Variants in ADGB observed in about 807,000 individuals in gnomAD.
ADGB encodes the protein androglobin.
In ADGB, 172 loss-of-function variants were observed where a neutral mutation model predicts 210.5. The observed-to-expected ratio is 0.82, with a 90% confidence interval of 0.72 to 0.93. The LOEUF is 0.93. Among genes scored for constraint, ADGB ranks in the 40% least tolerant of loss-of-function variants. The pLI is 0.00. For missense variants in ADGB, 2,025 were observed against 1,964.8 expected, an observed-to-expected ratio of 1.03 and a Z score of -0.58; for synonymous variants, 658 against 662.7, an observed-to-expected ratio of 0.99 and a Z score of 0.11.
Position 146,619,389 on chromosome 6 carries a change from G to A in ADGB, c.75-15986G>A, listed in dbSNP as rs534141988. Among the ~76,000 whole-genome samples the A allele has an allele frequency of 1.5e-4, 23 of 151,856 alleles. No homozygotes were observed. In the South Asian group the frequency reaches 2.1e-3, roughly 14 times the overall value. ...TTCAAGGTTATTATTGATAGATAAC[G>A]GTTTATTACTGCCATTTTGATACTT... On this transcript the variant is annotated intron_variant, in intron 1 of 35. Coordinates refer to ENST00000397944, the MANE Select transcript of ADGB (RefSeq NM_024694.4).
In ADGB at chr6:146,779,483, A is replaced by T. The variant is rs565827314; in HGVS notation, c.3863-2537A>T. Among the ~76,000 whole-genome samples, 4 of 152,326 alleles carry T rather than the reference A, an allele frequency of 2.6e-5. No individual in the cohort carries two copies. The South Asian group carries it at 8.3e-4, about 32-fold the overall frequency. On this transcript the variant is annotated intron_variant, in intron 29 of 35. Transcript: ENST00000397944. ...GCACATTCAAGAAGTTAAACTCCACATGGGAAAAATTCAAAGAGACCCAGA... is the reference window on the plus strand; with the variant it reads ...GCACATTCAAGAAGTTAAACTCCACTTGGGAAAAATTCAAAGAGACCCAGA...
In ADGB at chr6:146,733,866, G is replaced by A. The variant is rs536286860; in HGVS notation, c.2657-27G>A. The A allele has an allele frequency of 8.1e-5, 125 of 1,551,086 alleles. No individual in the cohort carries two copies. In the African/African-American group the frequency reaches 1.6e-3, roughly 20 times the overall value. On this transcript the variant is annotated intron_variant, in intron 21 of 35. Coordinates refer to ENST00000397944, the MANE Select transcript of ADGB (RefSeq NM_024694.4). Reference sequence around the variant, plus strand: ...GGGAAGGGATTAAATATAACTTTCAGTCCAAAGTTTGTTTTTCCCTTTCCA... The same window carrying A: ...GGGAAGGGATTAAATATAACTTTCAATCCAAAGTTTGTTTTTCCCTTTCCA...
At chr6:146,656,514 G>A (rs1342536214) in intron 4 of ADGB, among the ~76,000 whole-genome samples, 1 of 152,132 alleles carries the variant, frequency 6.6e-6, no homozygotes, top group African/African-American at 2.4e-5. Context: ...ATCACCCACA[G>A]TTTACTTCAG....
chr6:146,659,283 C>T (rs1285537388), intron 5 of ADGB, among the ~76,000 whole-genome samples: 2 of 152,150 alleles, frequency 1.3e-5, no homozygotes, highest in Admixed American at 1.3e-4. Flanking sequence ...TGCATTATTA[C>T]TTCTACTTCT....
rs780432952 is a variant in ADGB, at chr6:146,623,734, TC to T, written c.75-11640del. ...TGTCAGTTCCAGGTTTCTGTAGATG[TC>T]ATTTATCAGGTTAAAGGAGTTGCCT... On this transcript the variant is annotated intron_variant, in intron 1 of 35. Transcript: ENST00000397944. Among the ~76,000 whole-genome samples the T allele has an allele frequency of 1.4e-4, 22 of 152,072 alleles. No homozygotes were observed. In the East Asian group the frequency reaches 1.7e-3, roughly 12 times the overall value.
intron 1 of ADGB, among the ~76,000 whole-genome samples, chr6:146,618,871 T>C (rs1780843173): frequency 6.6e-6 from 1 of 152,050 alleles, no homozygotes; most frequent in Non-Finnish European, 1.5e-5. Context: ...GGCTCTTTCA[T>C]CTGGAGTGCA....
chr6:146,608,316 A>G (rs763298327), intron 1 of ADGB, among the ~76,000 whole-genome samples: 3 of 151,770 alleles, frequency 2.0e-5, no homozygotes, highest in Non-Finnish European at 2.9e-5. Flanking sequence ...ATTTTTTCTG[A>G]AAAAAGAACT....
At chr6:146,751,223 A>T (rs1025550827) in intron 26 of ADGB, among the ~76,000 whole-genome samples, 1 of 149,386 alleles carries the variant, frequency 6.7e-6, no homozygotes, top group African/African-American at 2.5e-5. Context: ...AAGTGAGAAT[A>T]TGCAGTGTTT....
At chr6:146,731,637 A>G (rs959264313) in intron 20 of ADGB, among the ~76,000 whole-genome samples, 1 of 152,160 alleles carries the variant, frequency 6.6e-6, no homozygotes, top group Non-Finnish European at 1.5e-5. Flanking sequence ...TGCTCCCTCA[A>G]TGTAGCAGAA....
At position 146,676,387 on chromosome 6, in the gene ADGB, C is replaced by G. The variant is rs1263616246; in HGVS notation, c.1162C>G (p.His388Asp). ...GEKEKFKFSLHGSRPSSEVQY... is the reference protein window; with the variant it reads ...GEKEKFKFSLDGSRPSSEVQY... The stretch of plus-strand genomic sequence containing the variant: ...AAAAGAAAAATTCAAATTCTCACTT[C>G]ATGGTTCAAGACCCTCATCAGAAGT... The change falls in exon 9 of 36, where the codon CAT becomes GAT. Residue 388 changes from histidine to aspartate, a missense_variant. By Grantham distance (81) the His-to-Asp change is moderately conservative. Coordinates refer to ENST00000397944, the MANE Select transcript of ADGB (RefSeq NM_024694.4). 6.5e-7 allele frequency: 1 copy of G among 1,548,844 alleles called. No homozygotes were observed. Among genetic ancestry groups the G allele is most frequent in the Admixed American group, 2.0e-5 (1 of 50,812 alleles).
intron 34 of ADGB, among the ~76,000 whole-genome samples, chr6:146,801,608 C>T (rs1341786826): frequency 2.6e-5 from 4 of 152,224 alleles, no homozygotes; most frequent in South Asian, 2.1e-4. Context: ...AATCCAAATT[C>T]ACTGATATTC....
intron 13 of ADGB, among the ~76,000 whole-genome samples, chr6:146,707,824 C>T (rs1382961069): frequency 6.6e-6 from 1 of 152,000 alleles, no homozygotes; most frequent in African/African-American, 2.4e-5. Flanking sequence ...AGAATCTAAT[C>T]CATTTACATT....
intron 9 of ADGB, among the ~76,000 whole-genome samples, chr6:146,683,335 A>G (rs1263605508): frequency 6.6e-6 from 1 of 152,104 alleles, no homozygotes; most frequent in Non-Finnish European, 1.5e-5. Flanking sequence ...TCTCATTTAT[A>G]AGATGTATAA....
At chr6:146,703,501 A>G (rs367636596) in intron 13 of ADGB, among the ~76,000 whole-genome samples, 1 of 151,834 alleles carries the variant, frequency 6.6e-6, no homozygotes, top group South Asian at 2.1e-4. Flanking sequence ...TCCTTTGACC[A>G]GTATTTTCCC....
rs1178010810 is a variant in ADGB at position 146,672,272 on chromosome 6, T to A, written c.892T>A (p.Phe298Ile). 3 of 1,550,128 alleles carry A rather than the reference T, an allele frequency of 1.9e-6. No individual in the cohort carries two copies. The East Asian group carries it at 7.3e-5, about 38-fold the overall frequency. ...WELLKEILPE[F>I]KLSDEASSES... The stretch of plus-strand genomic sequence containing the variant: ...GCTCCTGAAAGAAATATTGCCTGAG[T>A]TTAAGCTGTCAGATGAGGCCAGCTC... Residue 298 changes from phenylalanine to isoleucine, a missense_variant, in exon 8 of 36, where the codon TTT becomes ATT. By Grantham distance (21) the Phe-to-Ile change is conservative (BLOSUM62 0). Transcript: ENST00000397944.
chr6:146,673,739 A>G (rs551539741), intron 8 of ADGB, among the ~76,000 whole-genome samples: 175 of 152,304 alleles, frequency 1.1e-3, no homozygotes, highest in Middle Eastern at 6.8e-3. Context: ...GGTACCATTT[A>G]GGAGAGATCA....
chr6:146,677,861 G>T (rs1383642199), intron 9 of ADGB, among the ~76,000 whole-genome samples: 3 of 152,160 alleles, frequency 2.0e-5, no homozygotes, highest in East Asian at 1.9e-4. Context: ...TTTTGGTGAG[G>T]GTCCTTGTGA....
intron 6 of ADGB, among the ~76,000 whole-genome samples, chr6:146,665,147 C>G: frequency 6.6e-6 from 1 of 152,040 alleles, no homozygotes; most frequent in South Asian, 2.1e-4. Flanking sequence ...AGGACACACC[C>G]ACATGCTTTA....
At chr6:146,707,432 A>G (rs1776588823) in intron 13 of ADGB, among the ~76,000 whole-genome samples, 1 of 152,106 alleles carries the variant, frequency 6.6e-6, no homozygotes, top group African/African-American at 2.4e-5. Context: ...AAAGAGGAGT[A>G]CTGAAGACTC....
Sources: gnomAD v4.1 joint callset for allele counts (sites outside exome capture counted in the v4.1 genomes callset) on GRCh38, gnomAD v4.1.1 for gene constraint, MANE v1.5 for transcripts, NCBI Gene and HGNC (gene_info 2026-07-23, HGNC 2026-07-21) for gene names.